The following ERG variants were observed in gnomAD, a reference collection of about 807,000 sequenced individuals.
ERG encodes transcriptional regulator ERG.
In ERG, 9 loss-of-function variants were observed where a neutral mutation model predicts 55.3. The observed-to-expected ratio is 0.16, with a 90% CI of 0.10 to 0.28. ERG has a LOEUF of 0.28. Among genes scored for constraint, ERG ranks in the 10% least tolerant of loss-of-function variants. The pLI, the probability that ERG is intolerant of heterozygous loss-of-function variation, is 1.00. For synonymous variants in ERG, 223 were observed against 237.3 expected, an observed-to-expected ratio of 0.94 and a Z score of 0.55; for missense variants, 434 against 631.6, an observed-to-expected ratio of 0.69 and a Z score of 3.35.
chr21:38,636,191 A>G (rs919250202), intron 1 of ERG, among the ~76,000 whole-genome samples: 21 of 152,226 alleles, frequency 1.4e-4, no homozygotes, highest in African/African-American at 4.8e-4. Flanking sequence ...CCCTTCTGCC[A>G]TGATTGAAAG....
intron 3 of ERG, among the ~76,000 whole-genome samples, chr21:38,419,497 T>G (rs1989439768): frequency 7.2e-6 from 1 of 137,956 alleles, no homozygotes. Context: ...TATTTAAATG[T>G]TGCAATTAAA....
At chr21:38,396,564 C>G (rs1988229883) in intron 6 of ERG, among the ~76,000 whole-genome samples, 1 of 152,218 alleles carries the variant, frequency 6.6e-6, no homozygotes, top group African/African-American at 2.4e-5. Context: ...ACTCTCTAAT[C>G]TCTTTTGATA....
chr21:38,500,152 T>C (rs532568120), upstream of ERG, among the ~76,000 whole-genome samples: 6 of 152,214 alleles, frequency 3.9e-5, no homozygotes, highest in Non-Finnish European at 8.8e-5. Context: ...TTGCTTTTTG[T>C]TCTCTCCTAA....
At chr21:38,440,521 G>A (rs1480070927) in intron 2 of ERG, among the ~76,000 whole-genome samples, 3 of 152,062 alleles carry the variant, frequency 2.0e-5, no homozygotes, top group Non-Finnish European at 2.9e-5. Context: ...CCTGACATTC[G>A]TAAAGAGCCC....
At chr21:38,594,693 A>G (rs1021562615) in intron 1 of ERG, among the ~76,000 whole-genome samples, 3 of 152,194 alleles carry the variant, frequency 2.0e-5, no homozygotes, top group African/African-American at 7.2e-5. Flanking sequence ...CAGAACCCAG[A>G]TCATGAAAAA....
At chr21:38,404,084 C>G (rs1363498109) in intron 3 of ERG, among the ~76,000 whole-genome samples, 1 of 151,998 alleles carries the variant, frequency 6.6e-6, no homozygotes, top group Non-Finnish European at 1.5e-5. Flanking sequence ...TAGAAAACTA[C>G]TGGTATATTT....
At chr21:38,447,977 C>T (rs187726892) in intron 1 of ERG, among the ~76,000 whole-genome samples, 1 of 150,214 alleles carries the variant, frequency 6.7e-6, no homozygotes, top group Admixed American at 6.7e-5. Context: ...ATGGCTGCAA[C>T]AATAACAAAC....
intron 3 of ERG, among the ~76,000 whole-genome samples, chr21:38,409,770 A>C (rs1988959023): frequency 6.6e-6 from 1 of 152,236 alleles, no homozygotes; most frequent in African/African-American, 2.4e-5. Context: ...GCAACATACG[A>C]GGATGGGGAT....
intron 9 of ERG, among the ~76,000 whole-genome samples, chr21:38,386,000 G>C (rs922027047): frequency 2.6e-5 from 4 of 152,254 alleles, no homozygotes; most frequent in African/African-American, 4.8e-5. Flanking sequence ...AATCACACTT[G>C]GAATCTACTC....
chr21:38,448,050 A>G (rs2146562925), intron 1 of ERG, among the ~76,000 whole-genome samples: 2 of 152,368 alleles, frequency 1.3e-5, no homozygotes, highest in South Asian at 4.1e-4. Context: ...CTGCAAACAA[A>G]GCCAATAGCC....
intron 1 of ERG, among the ~76,000 whole-genome samples, chr21:38,623,170 A>G (rs2060304135): frequency 6.8e-6 from 1 of 147,530 alleles, no homozygotes; most frequent in Non-Finnish European, 1.5e-5. Context: ...ACACACACAC[A>G]TTACATACAC....
intron 1 of ERG, among the ~76,000 whole-genome samples, chr21:38,597,501 G>GCA (rs1336502867): frequency 4.7e-3 from 263 of 55,740 alleles, no homozygotes; most frequent in African/African-American, 0.016. Flanking sequence ...ACACACACAC[G>GCA]CACACAGAGA....
intron 1 of ERG, among the ~76,000 whole-genome samples, chr21:38,594,507 G>C (rs2060119890): frequency 6.6e-6 from 1 of 152,106 alleles, no homozygotes; most frequent in Non-Finnish European, 1.5e-5. Context: ...GGCCATATGG[G>C]ACAGAAAAGT....
chr21:38,423,684 C>A (rs1386143402), intron 2 of ERG, 123 bp from the exon 3 acceptor site: 4 of 1,106,610 alleles, frequency 3.6e-6, no homozygotes, highest in African/African-American at 1.6e-5. Flanking sequence ...GGAGAAAGGA[C>A]AAGTGTGAAA....
At chr21:38,535,044 C>T (rs2059699486) in intron 2 of ERG, among the ~76,000 whole-genome samples, 1 of 151,934 alleles carries the variant, frequency 6.6e-6, no homozygotes, top group Admixed American at 6.6e-5. Context: ...TTTGCTGCAC[C>T]TATCAACCCA....
rs376509071 is a variant in ERG at position 38,546,321 on chromosome 21, T to G, written c.-41+29341A>C. 3.2e-4 allele frequency among the ~76,000 whole-genome samples: 48 copies of G among 152,340 alleles called. No individual in the cohort carries two copies. The East Asian group carries it at 8.7e-3, about 28-fold the overall frequency. Reference sequence around the variant, plus strand: ...GAGGACCTTATTTTATTCCCTTTACTGTCAAACACAAAGCCAACATGCCAT... The same window carrying G: ...GAGGACCTTATTTTATTCCCTTTACGGTCAAACACAAAGCCAACATGCCAT... On this transcript the variant is annotated intron_variant, in intron 2 of 8. Transcript: ENST00000398897.
intron 1 of ERG, among the ~76,000 whole-genome samples, chr21:38,651,323 T>A (rs929465855): frequency 1.3e-5 from 2 of 152,210 alleles, no homozygotes; most frequent in African/African-American, 4.8e-5. Context: ...AGAGACATAA[T>A]AGATGTTGCG....
intron 6 of ERG, among the ~76,000 whole-genome samples, chr21:38,397,127 AG>A (rs1988259180): frequency 6.6e-6 from 1 of 152,140 alleles, no homozygotes; most frequent in Non-Finnish European, 1.5e-5. Context: ...AATGGCAGGT[AG>A]TGGTGGTGGC....
intron 2 of ERG, among the ~76,000 whole-genome samples, chr21:38,555,445 T>TAA (rs2059852308): frequency 6.6e-6 from 1 of 152,124 alleles, no homozygotes; most frequent in Non-Finnish European, 1.5e-5. Context: ...ATATTATTAT[T>TAA]TAATAGAAAA....
Sources: gnomAD v4.1 joint callset for allele counts (sites outside exome capture counted in the v4.1 genomes callset) on GRCh38, gnomAD v4.1.1 for gene constraint, MANE v1.5 for transcripts, NCBI Gene and HGNC (gene_info 2026-07-23, HGNC 2026-07-21) for gene names.